NMNAT3: variants seen among roughly 807,000 people sequenced by gnomAD.
The protein encoded by NMNAT3 is nicotinamide/nicotinic acid mononucleotide adenylyltransferase 3.
NMNAT3 carries 21 observed loss-of-function variants against 24.8 expected under a neutral mutation model. That is an observed-to-expected ratio of 0.85 (90% CI 0.60 to 1.22). The LOEUF is 1.22. Among genes scored for constraint, NMNAT3 ranks in the 50% most tolerant of loss-of-function variants. NMNAT3 has a pLI of 0.00. For missense variants in NMNAT3, 387 were observed against 436.6 expected, an observed-to-expected ratio of 0.89 and a Z score of 1.01; for synonymous variants, 136 against 155.2, an observed-to-expected ratio of 0.88 and a Z score of 0.92.
intron 6 of NMNAT3, among the ~76,000 whole-genome samples, chr3:139,564,702 A>G (rs1353960168): frequency 2.0e-5 from 3 of 152,240 alleles, no homozygotes; most frequent in African/African-American, 7.2e-5. Context: ...ATAACAGCAC[A>G]CCAATAAAAT....
At chr3:139,624,748 G>A (rs1290765726) in intron 3 of NMNAT3, among the ~76,000 whole-genome samples, 2 of 152,204 alleles carry the variant, frequency 1.3e-5, no homozygotes, top group Middle Eastern at 3.4e-3. Flanking sequence ...CGCGCCATGC[G>A]GAGACTTCTT....
chr3:139,675,623 C>T (rs889213396), intron 1 of NMNAT3, among the ~76,000 whole-genome samples: 1 of 152,124 alleles, frequency 6.6e-6, no homozygotes, highest in South Asian at 2.1e-4. Context: ...TAATCTAACC[C>T]CCTGACTAAT....
chr3:139,596,941 TATATATATATATATATATATA>T (rs1559890925), intron 3 of NMNAT3, among the ~76,000 whole-genome samples: 6 of 110,862 alleles, frequency 5.4e-5, no homozygotes, highest in Admixed American at 3.4e-4. Flanking sequence ...TATATATATA[TATATATATATATATATATATA>T]TATTTTTATT....
chr3:139,642,959 A>T (rs1034141017), intron 1 of NMNAT3, among the ~76,000 whole-genome samples: 2 of 152,066 alleles, frequency 1.3e-5, no homozygotes, highest in African/African-American at 4.8e-5. Flanking sequence ...CTGTCTATTA[A>T]ATTTTGCCCC....
chr3:139,624,043 T>C (rs1024826838), intron 3 of NMNAT3, among the ~76,000 whole-genome samples: 1 of 152,244 alleles, frequency 6.6e-6, no homozygotes. Flanking sequence ...GTCATACATA[T>C]GGTCTGTTAT....
intron 3 of NMNAT3, among the ~76,000 whole-genome samples, chr3:139,597,881 C>G (rs1347510957): frequency 2.0e-5 from 3 of 152,204 alleles, no homozygotes; most frequent in Admixed American, 6.5e-5. Context: ...TGCTAACTCT[C>G]TTAAACCTCA....
At chr3:139,615,771 GT>G (rs2055471531) in intron 3 of NMNAT3, among the ~76,000 whole-genome samples, 1 of 152,160 alleles carries the variant, frequency 6.6e-6, no homozygotes, top group Non-Finnish European at 1.5e-5. Flanking sequence ...TAGAATATTT[GT>G]TTAGAGTTTA....
At chr3:139,582,169 C>T (rs1408203685) in intron 4 of NMNAT3, among the ~76,000 whole-genome samples, 4 of 95,988 alleles carry the variant, frequency 4.2e-5, no homozygotes, top group Admixed American at 3.5e-4. Context: ...TGAGCCTAGG[C>T]AACAGAGCAA....
chr3:139,573,582 G>A lies in NMNAT3; in HGVS notation c.658+16C>T, dbSNP rs1374551251. The A allele has an allele frequency of 3.3e-6, 5 of 1,509,144 alleles. No individual in the cohort carries two copies. The highest frequency in any genetic ancestry group is 4.5e-6 in the Non-Finnish European group (5 of 1,110,506). The allele number at this position is 1,509,144 out of a possible 1,614,324, so 93.5% of individuals were successfully genotyped here. ...TGACATCTCATTCTCCTACAGACAAGAGGATCAGCACCCACCTGCAGGGGT... is the reference window on the plus strand; with the variant it reads ...TGACATCTCATTCTCCTACAGACAAAAGGATCAGCACCCACCTGCAGGGGT... On this transcript the variant is annotated intron_variant, in intron 6 of 6. Coordinates refer to ENST00000643695, the MANE Select transcript of NMNAT3 (RefSeq NM_001320510.2).
At chr3:139,597,245 G>GT (rs2108204162) in intron 3 of NMNAT3, among the ~76,000 whole-genome samples, 1 of 151,966 alleles carries the variant, frequency 6.6e-6, no homozygotes, top group African/African-American at 2.4e-5. Context: ...CTTTTGAAGT[G>GT]TTATGCCATT....
At chr3:139,607,437 A>T (rs1446440041) in intron 3 of NMNAT3, among the ~76,000 whole-genome samples, 1 of 152,242 alleles carries the variant, frequency 6.6e-6, no homozygotes, top group Non-Finnish European at 1.5e-5. Flanking sequence ...CCCCTGTGGA[A>T]AACAAATTAC....
chr3:139,572,983 T>C (rs1164019041), intron 6 of NMNAT3, among the ~76,000 whole-genome samples: 1 of 152,188 alleles, frequency 6.6e-6, no homozygotes, highest in Non-Finnish European at 1.5e-5. Context: ...GTGCTTCTGC[T>C]TATTTGCATG....
intron 1 of NMNAT3, among the ~76,000 whole-genome samples, chr3:139,657,070 G>C (rs1411573341): frequency 6.6e-6 from 1 of 152,048 alleles, no homozygotes; most frequent in Non-Finnish European, 1.5e-5. Flanking sequence ...CTTTCTGATG[G>C]GGACACAGAA....
chr3:139,622,769 AT>A (rs1487865440), intron 3 of NMNAT3, among the ~76,000 whole-genome samples: 48 of 141,996 alleles, frequency 3.4e-4, no homozygotes, highest in Admixed American at 1.1e-3. Context: ...TATCATATAT[AT>A]CATATATATG....
At chr3:139,677,173 C>G (rs950210416) in intron 1 of NMNAT3, among the ~76,000 whole-genome samples, 3 of 152,146 alleles carry the variant, frequency 2.0e-5, no homozygotes, top group Non-Finnish European at 2.9e-5. Context: ...CTGATAAAAT[C>G]TCTCCAGCAC....
chr3:139,652,923 G>A (rs139363234), intron 1 of NMNAT3, among the ~76,000 whole-genome samples: 31 of 152,314 alleles, frequency 2.0e-4, no homozygotes, highest in African/African-American at 6.7e-4. Flanking sequence ...AAGCAGGTAT[G>A]CGCCTCACCA....
At chr3:139,663,361 T>A (rs1160548384) in intron 1 of NMNAT3, among the ~76,000 whole-genome samples, 2 of 152,182 alleles carry the variant, frequency 1.3e-5, no homozygotes, top group Admixed American at 1.3e-4. Flanking sequence ...CAACTTTAAT[T>A]TCATCTGCAA....
intron 3 of NMNAT3, among the ~76,000 whole-genome samples, chr3:139,626,882 T>A (rs939486480): frequency 1.3e-5 from 2 of 152,190 alleles, no homozygotes; most frequent in African/African-American, 2.4e-5. Flanking sequence ...AAAGGCAAAC[T>A]TTTTACAAAC....
chr3:139,656,794 A>C (rs1417769427), intron 1 of NMNAT3, among the ~76,000 whole-genome samples: 1 of 152,176 alleles, frequency 6.6e-6, no homozygotes, highest in African/African-American at 2.4e-5. Context: ...CCTGTCTCTA[A>C]AAACAAACAA....
Sources: allele counts gnomAD v4.1 joint callset (sites outside exome capture counted in the v4.1 genomes callset), GRCh38; gene constraint gnomAD v4.1.1; transcripts MANE v1.5; gene names NCBI Gene and HGNC (gene_info 2026-07-23, HGNC 2026-07-21).